Variants in TENM2 observed in about 807,000 individuals in gnomAD.
TENM2 encodes the protein teneurin-2.
A neutral mutation model predicts 245.2 loss-of-function variants in TENM2; 52 were observed. The ratio of observed to expected loss-of-function variants is 0.21; its 90% confidence interval spans 0.17 to 0.27. TENM2 has a LOEUF of 0.27. TENM2 is among the 10% of genes least tolerant of loss of function. The probability of loss-of-function intolerance (pLI) is 1.00; values close to 1 mark genes in which losing one functional copy is unlikely to be tolerated. For synonymous variants in TENM2, 1,363 were observed against 1,438.9 expected (o/e 0.95, Z 1.19); for missense variants, 3,046 against 3,666.8 (o/e 0.83, Z 4.37).
chr5:167,083,599 C>G, the TENM2 span, among the ~76,000 whole-genome samples: 33 of 152,212 alleles, frequency 2.2e-4, no homozygotes, highest in African/African-American at 7.7e-4. Context: ...GCTTGGGAGA[C>G]CTGCCACTGT....
At chr5:167,367,696 T>C (rs1327656755) in intron 1 of TENM2, among the ~76,000 whole-genome samples, 3 of 152,140 alleles carry the variant, frequency 2.0e-5, no homozygotes. Context: ...TTTAAACCGA[T>C]TATTTTGTAT....
chr5:167,591,067 G>A (rs2127705955), intron 2 of TENM2, among the ~76,000 whole-genome samples: 1 of 152,268 alleles, frequency 6.6e-6, no homozygotes, highest in South Asian at 2.1e-4. Context: ...ATTGCACTAA[G>A]CAAGCAAGAG....
At chr5:168,006,625 T>C (rs955560881) in intron 5 of TENM2, among the ~76,000 whole-genome samples, 4 of 151,582 alleles carry the variant, frequency 2.6e-5, no homozygotes, top group African/African-American at 4.8e-5. Context: ...GTATGAAGAG[T>C]AGTGAGGCCT....
At chr5:167,055,682 A>ACTG in the TENM2 span, among the ~76,000 whole-genome samples, 1 of 152,078 alleles carries the variant, frequency 6.6e-6, no homozygotes, top group Non-Finnish European at 1.5e-5. Flanking sequence ...TGTAAATGAT[A>ACTG]CTGTGTTTTT....
chr5:167,191,491 C>T, the TENM2 span, among the ~76,000 whole-genome samples: 2 of 151,984 alleles, frequency 1.3e-5, no homozygotes, highest in Non-Finnish European at 2.9e-5. Context: ...TATACATGCT[C>T]TTTCTGATCT....
intron 2 of TENM2, among the ~76,000 whole-genome samples, chr5:167,472,723 G>A (rs960981021): frequency 2.6e-5 from 4 of 152,064 alleles, no homozygotes; most frequent in Non-Finnish European, 2.9e-5. Flanking sequence ...AAAAACCTTC[G>A]TGCTAAACAG....
chr5:168,249,654 C>T (rs1766923410), intron 27 of TENM2, among the ~76,000 whole-genome samples: 1 of 151,914 alleles, frequency 6.6e-6, no homozygotes, highest in African/African-American at 2.4e-5. Flanking sequence ...AAAGGAGGGG[C>T]CAAGAAAGGC....
At chr5:167,731,907 T>C (rs1483044521) in intron 2 of TENM2, among the ~76,000 whole-genome samples, 1 of 152,194 alleles carries the variant, frequency 6.6e-6, no homozygotes, top group African/African-American at 2.4e-5. Context: ...TCTCTTCCTT[T>C]TCTAATTGCC....
chr5:168,048,671 G>T (rs2152042598), intron 6 of TENM2, among the ~76,000 whole-genome samples: 1 of 152,306 alleles, frequency 6.6e-6, no homozygotes, highest in African/African-American at 2.4e-5. Flanking sequence ...CCACAAAGAA[G>T]ATTCCAGAAT....
intron 6 of TENM2, among the ~76,000 whole-genome samples, chr5:168,057,539 A>G (rs1789655720): frequency 6.6e-6 from 1 of 152,168 alleles, no homozygotes; most frequent in Admixed American, 6.6e-5. Flanking sequence ...AATTCAACAT[A>G]ATCATTCATT....
At chr5:167,271,861 G>A in the TENM2 span, among the ~76,000 whole-genome samples, 1 of 152,084 alleles carries the variant, frequency 6.6e-6, no homozygotes, top group African/African-American at 2.4e-5. Flanking sequence ...CAGTATAATG[G>A]CACAAGGGAA....
chr5:167,226,168 C>G, the TENM2 span, among the ~76,000 whole-genome samples: 1 of 151,648 alleles, frequency 6.6e-6, no homozygotes, highest in Non-Finnish European at 1.5e-5. Context: ...CTGCTCTGAT[C>G]TTCTTTTTAA....
At chr5:168,233,159 C>T (rs1765093434) in intron 25 of TENM2, among the ~76,000 whole-genome samples, 1 of 152,126 alleles carries the variant, frequency 6.6e-6, no homozygotes. Flanking sequence ...AACCCCATCT[C>T]TACTAAAAAT....
At chr5:167,039,557 T>C in the TENM2 span, among the ~76,000 whole-genome samples, 1 of 152,030 alleles carries the variant, frequency 6.6e-6, no homozygotes, top group Non-Finnish European at 1.5e-5. Context: ...ACTGCAATTG[T>C]ATAGTCATAT....
At chr5:168,028,734 T>C (rs1268287813) in intron 5 of TENM2, among the ~76,000 whole-genome samples, 4 of 151,794 alleles carry the variant, frequency 2.6e-5, no homozygotes, top group African/African-American at 9.7e-5. Flanking sequence ...TCCAACACCC[T>C]TTTTGGGTCC....
At chr5:166,984,073 G>GA in the TENM2 span, among the ~76,000 whole-genome samples, 1 of 152,112 alleles carries the variant, frequency 6.6e-6, no homozygotes, top group South Asian at 2.1e-4. Flanking sequence ...AAGCTTATTT[G>GA]AAAAAATATT....
At chr5:167,166,845 G>A in the TENM2 span, among the ~76,000 whole-genome samples, 1 of 152,062 alleles carries the variant, frequency 6.6e-6, no homozygotes, top group Non-Finnish European at 1.5e-5. Flanking sequence ...CAGAGCACAG[G>A]GAGTCAGAGA....
At chr5:167,282,126 G>A (rs1251694342), upstream of TENM2, among the ~76,000 whole-genome samples, 1 of 151,774 alleles carries the variant, frequency 6.6e-6, no homozygotes, top group Non-Finnish European at 1.5e-5. Flanking sequence ...ACTTTCCCAA[G>A]CACAATGCAA....
intron 2 of TENM2, among the ~76,000 whole-genome samples, chr5:167,859,674 C>T (rs1261354517): frequency 1.8e-5 from 2 of 109,268 alleles, no homozygotes; most frequent in Non-Finnish European, 3.7e-5. Context: ...GCCCAGCCGC[C>T]CCTACTGGGA....
Sources: gnomAD v4.1 joint callset for allele counts (sites outside exome capture counted in the v4.1 genomes callset) on GRCh38, gnomAD v4.1.1 for gene constraint, MANE v1.5 for transcripts, NCBI Gene and HGNC (gene_info 2026-07-23, HGNC 2026-07-21) for gene names.